The following MTFR2 variants were observed in gnomAD, a reference collection of about 807,000 sequenced individuals.
MTFR2 encodes mitochondrial fission regulator 2.
In MTFR2, 44 loss-of-function variants were observed where a neutral mutation model predicts 41.2. That is an observed-to-expected ratio of 1.07 (90% CI 0.84 to 1.37). The LOEUF is 1.37. MTFR2 is among the 40% of genes most tolerant of loss of function. The probability of loss-of-function intolerance (pLI) is 0.00; values close to 1 mark genes in which losing one functional copy is unlikely to be tolerated. For missense variants in MTFR2, 452 were observed against 459.5 expected (o/e 0.98, Z 0.15); for synonymous variants, 141 against 154.6 (o/e 0.91, Z 0.65).
At chr6:136,247,216 T>TCA (rs1340770134) in intron 2 of MTFR2, among the ~76,000 whole-genome samples, 1 of 152,160 alleles carries the variant, frequency 6.6e-6, no homozygotes, top group Non-Finnish European at 1.5e-5. Context: ...TGGGCATTGG[T>TCA]GGCAGGCTCC....
chr6:136,240,547 A>G (rs1780027824), intron 5 of MTFR2, among the ~76,000 whole-genome samples: 1 of 152,138 alleles, frequency 6.6e-6, no homozygotes, highest in Non-Finnish European at 1.5e-5. Context: ...AGCATTCAGT[A>G]CCTAGATTGC....
chr6:136,237,566 C>A (rs1779940286), intron 6 of MTFR2, among the ~76,000 whole-genome samples: 1 of 152,108 alleles, frequency 6.6e-6, no homozygotes, highest in Non-Finnish European at 1.5e-5. Context: ...AATCCCAGCA[C>A]TTTGGGAGGC....
chr6:136,234,168 G>GA (rs578028549), intron 6 of MTFR2, among the ~76,000 whole-genome samples: 3 of 151,640 alleles, frequency 2.0e-5, no homozygotes, highest in East Asian at 3.9e-4. Context: ...CCCATCTCTA[G>GA]AAAAAATTTA....
intron 3 of MTFR2, among the ~76,000 whole-genome samples, chr6:136,244,054 A>G (rs1780153446): frequency 6.6e-6 from 1 of 152,244 alleles, no homozygotes; most frequent in Admixed American, 6.5e-5. Context: ...GATAAGTATT[A>G]TTACAAAAGA....
At chr6:136,237,578 G>A (rs376806817) in intron 6 of MTFR2, among the ~76,000 whole-genome samples, 13 of 152,242 alleles carry the variant, frequency 8.5e-5, no homozygotes, top group African/African-American at 2.2e-4. Context: ...TTGGGAGGCC[G>A]AGGCCGGCAG....
chr6:136,240,849 T>C (rs1780038064), intron 5 of MTFR2, among the ~76,000 whole-genome samples: 2 of 152,190 alleles, frequency 1.3e-5, no homozygotes, highest in Non-Finnish European at 2.9e-5. Context: ...CCCAGCACTT[T>C]GGGAGGCCAA....
intron 1 of MTFR2, among the ~76,000 whole-genome samples, chr6:136,249,538 G>A (rs1167021333): frequency 6.6e-6 from 1 of 152,138 alleles, no homozygotes; most frequent in Non-Finnish European, 1.5e-5. Context: ...AAGCAGGCAA[G>A]GGACGACTCA....
chr6:136,240,900 G>C (rs536981279), intron 5 of MTFR2, among the ~76,000 whole-genome samples: 1 of 152,090 alleles, frequency 6.6e-6, no homozygotes, highest in Admixed American at 6.6e-5. Flanking sequence ...GACCATCCTG[G>C]CTAACACGGT....
intron 6 of MTFR2, among the ~76,000 whole-genome samples, chr6:136,236,720 G>A (rs995847442): frequency 6.6e-6 from 1 of 152,154 alleles, no homozygotes; most frequent in Non-Finnish European, 1.5e-5. Context: ...CTTCTGCATC[G>A]TTGCAAGGAT....
intron 2 of MTFR2, chr6:136,248,742 A>G: frequency 2.8e-6 from 1 of 356,702 alleles, no homozygotes; most frequent in East Asian, 6.6e-5. Flanking sequence ...AATTACCTTG[A>G]ATAGAAGTTT....
At chr6:136,231,669 T>TAAAAAAAAAAAAAAAAAAAAAA (rs71006791) in intron 7 of MTFR2, among the ~76,000 whole-genome samples, 5 of 82,936 alleles carry the variant, frequency 6.0e-5, no homozygotes, top group African/African-American at 1.9e-4. Context: ...AAAAACTATG[T>TAAAAAAAAAAAAAAAAAAAAAA]AAAAAAAAAA....
At chr6:136,235,451 T>G (rs1209646240) in intron 6 of MTFR2, among the ~76,000 whole-genome samples, 2 of 152,038 alleles carry the variant, frequency 1.3e-5, no homozygotes, top group African/African-American at 4.8e-5. Context: ...AGCTGGTATT[T>G]AGAGTCATAG....
At chr6:136,240,866 C>T (rs545133823) in intron 5 of MTFR2, among the ~76,000 whole-genome samples, 324 of 152,198 alleles carry the variant, frequency 2.1e-3, no homozygotes, top group East Asian at 8.5e-3. Flanking sequence ...CCAAGGCGGG[C>T]AGATCACGAG....
Position 136,242,985 on chromosome 6 carries a change from A to G in MTFR2, c.169-12T>C. ...AAGAGCGGGATCAACTAAAGTAAAAAAAGAAAAAAATAGTCAGAGCTCTGC... is the reference window on the plus strand; with the variant it reads ...AAGAGCGGGATCAACTAAAGTAAAAGAAGAAAAAAATAGTCAGAGCTCTGC... On this transcript the variant is annotated splice_polypyrimidine_tract_variant and intron_variant, in intron 3 of 7. Transcript: ENST00000420702. 1 of 1,582,312 alleles carries G rather than the reference A, an allele frequency of 6.3e-7. No homozygotes were observed. Among genetic ancestry groups the G allele is most frequent in the Non-Finnish European group, 8.6e-7 (1 of 1,168,302 alleles).
chr6:136,249,247 T>A, intron 1 of MTFR2, 94 bp from the exon 2 acceptor site: 1 of 540,718 alleles, frequency 1.8e-6, no homozygotes, highest in Non-Finnish European at 3.2e-6. Context: ...CACGACACAG[T>A]CAACTAATTT....
At chr6:136,239,958 A>G in intron 5 of MTFR2, 138 bp from the exon 6 acceptor site, 3 of 656,152 alleles carry the variant, frequency 4.6e-6, no homozygotes, top group East Asian at 5.5e-5. Flanking sequence ...AAGAGTGTCA[A>G]TCCCATCTGC....
intron 5 of MTFR2, among the ~76,000 whole-genome samples, chr6:136,240,927 TA>T (rs1163797049): frequency 6.6e-5 from 10 of 152,078 alleles, no homozygotes; most frequent in Admixed American, 5.9e-4. Context: ...CCGTCTCTAC[TA>T]AAAATACAAA....
At chr6:136,246,995 A>G (rs963196306) in intron 2 of MTFR2, among the ~76,000 whole-genome samples, 1 of 152,178 alleles carries the variant, frequency 6.6e-6, no homozygotes, top group Non-Finnish European at 1.5e-5. Context: ...TCTTACTGAG[A>G]AAACCGAGAA....
At chr6:136,239,218 A>G (rs549219491) in intron 6 of MTFR2, among the ~76,000 whole-genome samples, 8 of 152,336 alleles carry the variant, frequency 5.3e-5, no homozygotes, top group Non-Finnish European at 8.8e-5. Context: ...ATATCCTACA[A>G]TTGGAAGTCA....
Sources: allele counts gnomAD v4.1 joint callset (sites outside exome capture counted in the v4.1 genomes callset), GRCh38; gene constraint gnomAD v4.1.1; transcripts MANE v1.5; gene names NCBI Gene and HGNC (gene_info 2026-07-23, HGNC 2026-07-21).